EPHA6: variants seen among roughly 807,000 people sequenced by gnomAD.
The protein encoded by EPHA6 is ephrin type-A receptor 6.
EPHA6 carries 50 observed loss-of-function variants against 112.0 expected under a neutral mutation model. The observed-to-expected ratio is 0.45, with a 90% CI of 0.36 to 0.56. EPHA6 has a LOEUF of 0.56. Among genes scored for constraint, EPHA6 ranks in the 20% least tolerant of loss-of-function variants. The pLI is 0.00. For synonymous variants in EPHA6, 529 were observed against 490.7 expected (o/e 1.08, Z -1.03); for missense variants, 1,280 against 1,417.4 (o/e 0.90, Z 1.56).
chr3:97,545,415 CT>C (rs2092930336), intron 11 of EPHA6, among the ~76,000 whole-genome samples: 1 of 152,174 alleles, frequency 6.6e-6, no homozygotes, highest in South Asian at 2.1e-4. Flanking sequence ...TTTGATTGTA[CT>C]GTGGTCTGAG....
chr3:97,267,013 A>C (rs544857220), intron 5 of EPHA6, among the ~76,000 whole-genome samples: 3 of 152,276 alleles, frequency 2.0e-5, no homozygotes, highest in Admixed American at 6.5e-5. Flanking sequence ...ATCTGTAGCC[A>C]ATGTTTTATA....
At chr3:97,089,547 A>G (rs1342530835) in intron 3 of EPHA6, among the ~76,000 whole-genome samples, 1 of 152,150 alleles carries the variant, frequency 6.6e-6, no homozygotes, top group Non-Finnish European at 1.5e-5. Flanking sequence ...GAGAATTCCA[A>G]AGTCTCAGAA....
At chr3:97,586,261 C>T (rs2093486583) in intron 11 of EPHA6, among the ~76,000 whole-genome samples, 1 of 152,128 alleles carries the variant, frequency 6.6e-6, no homozygotes, top group Non-Finnish European at 1.5e-5. Context: ...CTTTCTTTAC[C>T]AAAGTAGGCA....
chr3:97,525,346 C>G (rs1263140072), intron 10 of EPHA6, among the ~76,000 whole-genome samples: 2 of 152,128 alleles, frequency 1.3e-5, no homozygotes, highest in Middle Eastern at 3.4e-3. Flanking sequence ...GGTTCTTTTC[C>G]ACGGTTTCTA....
intron 2 of EPHA6, among the ~76,000 whole-genome samples, chr3:96,877,407 A>G (rs2037031063): frequency 6.6e-6 from 1 of 152,112 alleles, no homozygotes; most frequent in Non-Finnish European, 1.5e-5. Context: ...CATTTAAGTA[A>G]TACCTATCAA....
intron 3 of EPHA6, among the ~76,000 whole-genome samples, chr3:97,161,965 G>A (rs2076426065): frequency 6.6e-6 from 1 of 152,166 alleles, no homozygotes; most frequent in Admixed American, 6.6e-5. Context: ...CCAGCTGAAA[G>A]CACATTGCTT....
chr3:97,328,302 AT>A (rs2082585018), intron 5 of EPHA6, among the ~76,000 whole-genome samples: 1 of 151,806 alleles, frequency 6.6e-6, no homozygotes, highest in Non-Finnish European at 1.5e-5. Flanking sequence ...TGCCTATATC[AT>A]TTTACATTCT....
intron 3 of EPHA6, among the ~76,000 whole-genome samples, chr3:97,155,781 C>T (rs2076275015): frequency 6.6e-6 from 1 of 152,108 alleles, no homozygotes; most frequent in African/African-American, 2.4e-5. Flanking sequence ...CAGGCCCTTG[C>T]ATGTGGGTTC....
At chr3:97,412,811 C>T (rs1168922721) in intron 6 of EPHA6, among the ~76,000 whole-genome samples, 2 of 151,350 alleles carry the variant, frequency 1.3e-5, no homozygotes, top group South Asian at 2.1e-4. Context: ...AAAAAATGTC[C>T]ACTTTCTGTT....
At chr3:97,222,054 A>G (rs905020477) in intron 3 of EPHA6, among the ~76,000 whole-genome samples, 1 of 151,780 alleles carries the variant, frequency 6.6e-6, no homozygotes, top group African/African-American at 2.4e-5. Flanking sequence ...CAACCAACAA[A>G]CAAAAACCCT....
chr3:96,819,887 CAAT>C (rs1289739007), intron 1 of EPHA6, among the ~76,000 whole-genome samples: 1 of 151,906 alleles, frequency 6.6e-6, no homozygotes, highest in Non-Finnish European at 1.5e-5. Flanking sequence ...GTAAATAAAA[CAAT>C]AAAGATTGTA....
At chr3:97,048,331 A>T (rs1394012680) in intron 3 of EPHA6, among the ~76,000 whole-genome samples, 4 of 152,190 alleles carry the variant, frequency 2.6e-5, no homozygotes, top group African/African-American at 9.6e-5. Flanking sequence ...GAATGGTTGC[A>T]GGTGAAGACA....
intron 5 of EPHA6, among the ~76,000 whole-genome samples, chr3:97,322,936 C>T (rs2082190176): frequency 6.6e-6 from 1 of 151,982 alleles, no homozygotes; most frequent in East Asian, 1.9e-4. Context: ...GCACTTACTA[C>T]TTCCATTTAC....
intron 3 of EPHA6, among the ~76,000 whole-genome samples, chr3:97,224,991 T>G (rs181679166): frequency 2.0e-5 from 3 of 152,174 alleles, no homozygotes; most frequent in African/African-American, 4.8e-5. Flanking sequence ...AGTCTCGCTC[T>G]GTCGCCCAGG....
At chr3:97,266,189 C>A (rs1459903718) in intron 5 of EPHA6, among the ~76,000 whole-genome samples, 3 of 152,132 alleles carry the variant, frequency 2.0e-5, no homozygotes, top group African/African-American at 7.2e-5. Context: ...TAATGTGAGG[C>A]ATTGTTAATC....
At chr3:97,069,476 G>A (rs968522435) in intron 3 of EPHA6, among the ~76,000 whole-genome samples, 1 of 152,056 alleles carries the variant, frequency 6.6e-6, no homozygotes, top group African/African-American at 2.4e-5. Context: ...ATTCTTTACT[G>A]AAACCCTAAG....
chr3:97,158,077 G>T (rs528928853), intron 3 of EPHA6, among the ~76,000 whole-genome samples: 1 of 152,212 alleles, frequency 6.6e-6, no homozygotes, highest in East Asian at 1.9e-4. Context: ...CAGTTATCCT[G>T]TGTACAACCA....
chr3:96,834,452 G>A (rs1342868287), intron 1 of EPHA6, among the ~76,000 whole-genome samples: 1 of 152,020 alleles, frequency 6.6e-6, no homozygotes, highest in African/African-American at 2.4e-5. Context: ...TTTTGAAGGT[G>A]TATTGATACC....
chr3:96,815,834 AT>A (rs1442938686), intron 1 of EPHA6, among the ~76,000 whole-genome samples: 1 of 152,160 alleles, frequency 6.6e-6, no homozygotes, highest in African/African-American at 2.4e-5. Flanking sequence ...GTGCATAAAG[AT>A]CTATAAAAAG....
Sources: allele counts gnomAD v4.1 joint callset (sites outside exome capture counted in the v4.1 genomes callset), GRCh38; gene constraint gnomAD v4.1.1; transcripts MANE v1.5; gene names NCBI Gene and HGNC (gene_info 2026-07-23, HGNC 2026-07-21).